Variants in CTNNA3 observed in about 807,000 individuals in gnomAD.
CTNNA3 encodes the protein catenin alpha 3.
CTNNA3 carries 76 observed loss-of-function variants against 95.7 expected under a neutral mutation model. The ratio of observed to expected loss-of-function variants is 0.79; its 90% CI spans 0.66 to 0.96. The LOEUF (loss-of-function observed/expected upper bound fraction) is 0.96. Ranked by LOEUF, CTNNA3 falls within the 40% of genes least tolerant of loss-of-function variation. The pLI is 0.00. For missense variants in CTNNA3, 1,191 were observed against 1,089.8 expected, an observed-to-expected ratio of 1.09 and a Z score of -1.31; for synonymous variants, 431 against 374.4, an observed-to-expected ratio of 1.15 and a Z score of -1.74.
intron 7 of CTNNA3, among the ~76,000 whole-genome samples, chr10:67,035,064 C>G (rs1194168774): frequency 1.3e-5 from 2 of 152,184 alleles, no homozygotes; most frequent in Non-Finnish European, 2.9e-5. Context: ...TTTATGAATA[C>G]TGATAGCTCC....
chr10:67,168,121 G>C (rs1471496073), intron 7 of CTNNA3, among the ~76,000 whole-genome samples: 4 of 152,162 alleles, frequency 2.6e-5, no homozygotes, highest in Non-Finnish European at 5.9e-5. Flanking sequence ...AGGCAACAGA[G>C]TGAGACTCCA....
rs1340543796 is a variant in CTNNA3, at chr10:66,556,903, A to T, written c.1375-36130T>A. Reference sequence around the variant, plus strand: ...CAGGAAAACCAATGGTAACTATCTGAAGAGAAAGATCTGTTAATTCACTTG... The same window carrying T: ...CAGGAAAACCAATGGTAACTATCTGTAGAGAAAGATCTGTTAATTCACTTG... On this transcript the variant is annotated intron_variant, in intron 10 of 17. Transcript: ENST00000433211. 1.3e-5 allele frequency among the ~76,000 whole-genome samples: 2 copies of T among 152,134 alleles called. 1 individual carries two copies. The highest frequency in any genetic ancestry group is 3.8e-4 in the East Asian group (2 of 5,202).
At chr10:67,477,850 T>C (rs1470792251) in intron 5 of CTNNA3, among the ~76,000 whole-genome samples, 20 of 152,002 alleles carry the variant, frequency 1.3e-4, no homozygotes, top group Admixed American at 1.1e-3. Flanking sequence ...AATGGAAACA[T>C]AGAAGTTACA....
intron 13 of CTNNA3, among the ~76,000 whole-genome samples, chr10:66,168,357 A>T (rs1181194392): frequency 6.6e-6 from 1 of 151,680 alleles, no homozygotes; most frequent in African/African-American, 2.4e-5. Flanking sequence ...TCCATTTATT[A>T]TTTTTTTTTA....
chr10:66,651,657 G>A (rs111767256), intron 9 of CTNNA3, among the ~76,000 whole-genome samples: 2 of 105,436 alleles, frequency 1.9e-5, no homozygotes, highest in Non-Finnish European at 1.8e-5. Context: ...AGTGCCCGCC[G>A]GCCGGCACTG....
intron 15 of CTNNA3, among the ~76,000 whole-genome samples, chr10:66,023,551 A>G (rs182167719): frequency 6.6e-6 from 1 of 152,346 alleles, no homozygotes; most frequent in East Asian, 1.9e-4. Context: ...TACTAAAGAA[A>G]TATAGATATT....
chr10:66,785,063 G>A (rs1362718107), intron 7 of CTNNA3, among the ~76,000 whole-genome samples: 3 of 152,178 alleles, frequency 2.0e-5, no homozygotes, highest in Admixed American at 2.0e-4. Context: ...AAAGACAGCT[G>A]GTCTGGGGTC....
chr10:66,678,298 GCC>G (rs1846937693), intron 9 of CTNNA3, among the ~76,000 whole-genome samples: 1 of 152,074 alleles, frequency 6.6e-6, no homozygotes, highest in South Asian at 2.1e-4. Context: ...GACTCAGAAA[GCC>G]TTTACTAGCC....
At chr10:66,805,254 A>C (rs2132245971) in intron 7 of CTNNA3, among the ~76,000 whole-genome samples, 1 of 152,018 alleles carries the variant, frequency 6.6e-6, no homozygotes, top group Non-Finnish European at 1.5e-5. Flanking sequence ...CTTTGCTATA[A>C]TAAATCATAG....
intron 13 of CTNNA3, among the ~76,000 whole-genome samples, chr10:66,162,387 C>G (rs2084899180): frequency 6.6e-6 from 1 of 152,072 alleles, no homozygotes; most frequent in Non-Finnish European, 1.5e-5. Context: ...TTCTTTTGTC[C>G]CAAGGAATGT....
intron 10 of CTNNA3, among the ~76,000 whole-genome samples, chr10:66,541,546 A>G (rs1347853268): frequency 6.6e-6 from 1 of 152,152 alleles, no homozygotes. Flanking sequence ...TAATCTATTA[A>G]AGGATTTTAA....
intron 3 of CTNNA3, among the ~76,000 whole-genome samples, chr10:67,599,761 T>C (rs2133365462): frequency 6.6e-6 from 1 of 152,256 alleles, no homozygotes. Flanking sequence ...ATATACCATG[T>C]TTTTAATCAG....
intron 17 of CTNNA3, among the ~76,000 whole-genome samples, chr10:65,955,688 G>A (rs1364773646): frequency 2.0e-5 from 3 of 152,066 alleles, no homozygotes; most frequent in African/African-American, 4.8e-5. Context: ...GATGGATTAC[G>A]TTTATTGATT....
chr10:67,738,763 G>T (rs1374380204), intron 1 of CTNNA3, among the ~76,000 whole-genome samples: 1 of 152,106 alleles, frequency 6.6e-6, no homozygotes, highest in South Asian at 2.1e-4. Flanking sequence ...TGATGAAGCT[G>T]AAAACCAAGG....
chr10:67,542,586 C>A (rs1279013635), intron 3 of CTNNA3, among the ~76,000 whole-genome samples: 1 of 151,988 alleles, frequency 6.6e-6, no homozygotes, highest in Non-Finnish European at 1.5e-5. Flanking sequence ...ATATAGATAT[C>A]AGTATGAAAC....
intron 5 of CTNNA3, among the ~76,000 whole-genome samples, chr10:67,348,160 A>G (rs2132635423): frequency 6.6e-6 from 1 of 152,348 alleles, no homozygotes; most frequent in East Asian, 1.9e-4. Flanking sequence ...AAAGTAGATT[A>G]AAGACAAACA....
At chr10:66,403,316 T>C (rs2093034098) in intron 11 of CTNNA3, among the ~76,000 whole-genome samples, 2 of 149,164 alleles carry the variant, frequency 1.3e-5, no homozygotes, top group Admixed American at 1.3e-4. Flanking sequence ...TAGTCCATTC[T>C]TACACCTCTA....
At chr10:66,928,545 C>A in intron 7 of CTNNA3, 1 of 1,190,926 alleles carries the variant, frequency 8.4e-7, no homozygotes, top group Non-Finnish European at 1.2e-6. Context: ...ACGCGATGCC[C>A]CCCCTCCCCT....
intron 10 of CTNNA3, among the ~76,000 whole-genome samples, chr10:66,561,859 C>T (rs970803436): frequency 1.3e-5 from 2 of 151,904 alleles, no homozygotes; most frequent in South Asian, 4.2e-4. Context: ...TCACATTATC[C>T]TACATGATTT....
Sources: allele counts gnomAD v4.1 joint callset (sites outside exome capture counted in the v4.1 genomes callset), GRCh38; gene constraint gnomAD v4.1.1; transcripts MANE v1.5; gene names NCBI Gene and HGNC (gene_info 2026-07-23, HGNC 2026-07-21).